The following DNER variants were observed in gnomAD, a reference collection of about 807,000 sequenced individuals.
DNER encodes the protein delta/notch like EGF repeat containing.
A neutral mutation model predicts 78.2 loss-of-function variants in DNER; 33 were observed. The ratio of observed to expected loss-of-function variants is 0.42; its 90% CI spans 0.32 to 0.56. The LOEUF is 0.56. Ranked by LOEUF, DNER falls within the 20% of genes least tolerant of loss-of-function variation. The pLI is 0.11. For missense variants in DNER, 918 were observed against 975.3 expected, an observed-to-expected ratio of 0.94 and a Z score of 0.78; for synonymous variants, 417 against 384.8, an observed-to-expected ratio of 1.08 and a Z score of -0.98.
At chr2:229,495,643 T>G (rs1267123629) in intron 6 of DNER, among the ~76,000 whole-genome samples, 1 of 152,208 alleles carries the variant, frequency 6.6e-6, no homozygotes, top group African/African-American at 2.4e-5. Flanking sequence ...AGGGTAATAT[T>G]CTTTACATAG....
At chr2:229,553,077 C>T (rs1164338905) in intron 4 of DNER, among the ~76,000 whole-genome samples, 1 of 152,192 alleles carries the variant, frequency 6.6e-6, no homozygotes, top group Non-Finnish European at 1.5e-5. Context: ...TAGATACCCA[C>T]CATCTACCAT....
At chr2:229,662,404 G>C (rs2154216597) in intron 1 of DNER, among the ~76,000 whole-genome samples, 1 of 152,282 alleles carries the variant, frequency 6.6e-6, no homozygotes, top group South Asian at 2.1e-4. Context: ...TATTCTAAGG[G>C]TTTTACATGT....
chr2:229,604,655 A>G (rs1437917788), intron 1 of DNER, among the ~76,000 whole-genome samples: 1 of 152,194 alleles, frequency 6.6e-6, no homozygotes, highest in Non-Finnish European at 1.5e-5. Context: ...CTCTGCAGGC[A>G]CACAAAATTC....
At chr2:229,515,100 G>A (rs1208847941) in intron 5 of DNER, among the ~76,000 whole-genome samples, 3 of 152,044 alleles carry the variant, frequency 2.0e-5, no homozygotes, top group African/African-American at 7.2e-5. Flanking sequence ...CTTCTTTGTG[G>A]TAAATGGAAA....
At chr2:229,557,928 G>A (rs1056542105) in intron 4 of DNER, among the ~76,000 whole-genome samples, 3 of 152,076 alleles carry the variant, frequency 2.0e-5, no homozygotes, top group Non-Finnish European at 4.4e-5. Context: ...ACCTACATGT[G>A]TACATTCATT....
Position 229,457,599 on chromosome 2 carries a change from TTACC to T in DNER, c.1262-10063_1262-10060del, listed in dbSNP as rs1694604014. 2.0e-5 allele frequency among the ~76,000 whole-genome samples: 3 copies of T among 151,450 alleles called. 1 individual carries two copies. The highest frequency in any genetic ancestry group is 2.0e-4 in the Admixed American group (3 of 15,218). ...AATAGTATCTTTTTAAATATTCTAT[TTACC>T]CACCCACCCCCACCACCAAAGAGGG... On this transcript the variant is annotated intron_variant, in intron 7 of 12. Coordinates refer to ENST00000341772, the MANE Select transcript of DNER (RefSeq NM_139072.4).
intron 1 of DNER, among the ~76,000 whole-genome samples, chr2:229,605,450 A>T (rs886367602): frequency 3.9e-5 from 6 of 152,208 alleles, no homozygotes; most frequent in African/African-American, 1.2e-4. Flanking sequence ...CATTCAAATT[A>T]TCTCTTTTAA....
At chr2:229,660,935 T>C (rs963545414) in intron 1 of DNER, among the ~76,000 whole-genome samples, 6 of 152,140 alleles carry the variant, frequency 3.9e-5, no homozygotes, top group African/African-American at 1.4e-4. Context: ...TTACATTAAA[T>C]GAAAATAATA....
chr2:229,614,452 T>C (rs910454389), intron 1 of DNER, among the ~76,000 whole-genome samples: 20 of 152,206 alleles, frequency 1.3e-4, no homozygotes, highest in South Asian at 6.2e-4. Context: ...TCCTCTACCA[T>C]TGGGAACAAG....
At chr2:229,552,712 T>C (rs896201388) in intron 4 of DNER, among the ~76,000 whole-genome samples, 4 of 152,214 alleles carry the variant, frequency 2.6e-5, no homozygotes, top group Admixed American at 6.5e-5. Flanking sequence ...CTCTTTCCTT[T>C]ACAAATTACC....
intron 10 of DNER, among the ~76,000 whole-genome samples, chr2:229,406,787 G>C (rs568464676): frequency 1.3e-5 from 2 of 151,024 alleles, no homozygotes; most frequent in Non-Finnish European, 2.9e-5. Flanking sequence ...GTCCTGCCCC[G>C]CCAATCTCGC....
At chr2:229,690,217 AT>A (rs559619297) in intron 1 of DNER, among the ~76,000 whole-genome samples, 2 of 152,302 alleles carry the variant, frequency 1.3e-5, no homozygotes, top group South Asian at 4.1e-4. Flanking sequence ...AGGGATTTGC[AT>A]TTTAAAGCTC....
intron 8 of DNER, among the ~76,000 whole-genome samples, chr2:229,419,781 C>A (rs190163650): frequency 1.6e-4 from 25 of 151,678 alleles, no homozygotes; most frequent in Non-Finnish European, 3.2e-4. Flanking sequence ...ATTTCTATTA[C>A]CCTTCATTAG....
At chr2:229,386,892 T>C (rs1391553466) in intron 11 of DNER, among the ~76,000 whole-genome samples, 1 of 152,156 alleles carries the variant, frequency 6.6e-6, no homozygotes, top group African/African-American at 2.4e-5. Context: ...TGTAAATTTG[T>C]TCAACCATTG....
chr2:229,621,850 C>A (rs1698256061), intron 1 of DNER, among the ~76,000 whole-genome samples: 1 of 152,172 alleles, frequency 6.6e-6, no homozygotes, highest in African/African-American at 2.4e-5. Context: ...CTTTGGGAGG[C>A]CGAGGCGGGC....
chr2:229,621,610 A>C (rs1231786831), intron 1 of DNER, among the ~76,000 whole-genome samples: 1 of 146,846 alleles, frequency 6.8e-6, no homozygotes, highest in Non-Finnish European at 1.5e-5. Context: ...TGAGCTCAGA[A>C]AGCCTTCCCA....
At chr2:229,674,838 T>C (rs899633143) in intron 1 of DNER, among the ~76,000 whole-genome samples, 4 of 152,198 alleles carry the variant, frequency 2.6e-5, no homozygotes, top group Non-Finnish European at 5.9e-5. Context: ...GGAGAGCCTG[T>C]TTCCAATGCC....
chr2:229,407,680 A>G (rs1209801561), intron 9 of DNER, among the ~76,000 whole-genome samples: 1 of 152,230 alleles, frequency 6.6e-6, no homozygotes, highest in Non-Finnish European at 1.5e-5. Flanking sequence ...AGTCTCCAAA[A>G]GAAACAGAAA....
At chr2:229,428,176 C>G (rs1440049438) in intron 8 of DNER, among the ~76,000 whole-genome samples, 1 of 150,342 alleles carries the variant, frequency 6.7e-6, no homozygotes, top group East Asian at 1.9e-4. Flanking sequence ...GATACAAAAT[C>G]AGATTTGCAT....
Sources: allele counts gnomAD v4.1 joint callset (sites outside exome capture counted in the v4.1 genomes callset), GRCh38; gene constraint gnomAD v4.1.1; transcripts MANE v1.5; gene names NCBI Gene and HGNC (gene_info 2026-07-23, HGNC 2026-07-21).